MED13L: variants seen among roughly 807,000 people sequenced by gnomAD.
MED13L encodes mediator complex subunit 13L.
Under a neutral mutation model 220.9 loss-of-function variants are expected in MED13L, and 7 were observed. That is an observed-to-expected ratio of 0.03 (90% CI 0.02 to 0.06). The LOEUF is 0.06. MED13L is among the 10% of genes least tolerant of loss of function. The probability of loss-of-function intolerance (pLI) is 1.00; values close to 1 mark genes in which losing one functional copy is unlikely to be tolerated. For synonymous variants in MED13L, 1,011 were observed against 1,015.2 expected (o/e 1.00, Z 0.08); for missense variants, 1,965 against 2,760.5 (o/e 0.71, Z 6.46).
intron 23 of MED13L, 127 bp from the exon 24 acceptor site, chr12:115,975,865 T>C: frequency 1.2e-6 from 1 of 809,110 alleles, no homozygotes; most frequent in Non-Finnish European, 2.0e-6. Context: ...TCTCTCTCTC[T>C]CCAGTACTAG....
At chr12:116,203,670 A>C (rs1011112260) in intron 2 of MED13L, among the ~76,000 whole-genome samples, 1 of 152,030 alleles carries the variant, frequency 6.6e-6, no homozygotes, top group African/African-American at 2.4e-5. Context: ...ATATACAAAA[A>C]TTATCCGGGC....
intron 2 of MED13L, among the ~76,000 whole-genome samples, chr12:116,180,580 C>T (rs896243991): frequency 5.9e-5 from 9 of 152,100 alleles, no homozygotes; most frequent in African/African-American, 1.7e-4. Flanking sequence ...AAATAGGGGA[C>T]ACTTAACTTG....
At chr12:116,241,339 AAAACAC>A (rs1352296283) in intron 1 of MED13L, among the ~76,000 whole-genome samples, 6 of 150,702 alleles carry the variant, frequency 4.0e-5, no homozygotes, top group Admixed American at 2.0e-4. Flanking sequence ...AAACAAAAAA[AAAACAC>A]ACACACACAC....
intron 4 of MED13L, among the ~76,000 whole-genome samples, chr12:116,023,828 A>G (rs1470089757): frequency 2.0e-5 from 3 of 152,218 alleles, no homozygotes; most frequent in African/African-American, 7.2e-5. Flanking sequence ...TTGATACCAT[A>G]CTTCTAAGTT....
intron 2 of MED13L, among the ~76,000 whole-genome samples, chr12:116,182,949 G>A (rs1385321313): frequency 2.0e-5 from 3 of 152,120 alleles, no homozygotes; most frequent in Admixed American, 6.5e-5. Context: ...GCTACTTGAG[G>A]TGAAAGACTG....
intron 1 of MED13L, among the ~76,000 whole-genome samples, chr12:116,273,567 GA>G (rs35774076): frequency 0.13 from 19,740 of 150,868 alleles, 1,632 homozygotes; most frequent in South Asian, 0.2. Flanking sequence ...AAGACAAAAA[GA>G]AAGTAGGTCA....
At chr12:115,974,093 C>T (rs540179656) in intron 25 of MED13L, among the ~76,000 whole-genome samples, 3 of 152,088 alleles carry the variant, frequency 2.0e-5, no homozygotes, top group African/African-American at 7.2e-5. Context: ...CTATGATCCA[C>T]AGGCCAAATC....
chr12:116,174,086 C>T (rs1879877002), intron 2 of MED13L, among the ~76,000 whole-genome samples: 2 of 152,046 alleles, frequency 1.3e-5, no homozygotes, highest in South Asian at 4.2e-4. Flanking sequence ...AGAGCAAGAC[C>T]CTGTGTCTAT....
chr12:116,078,691 G>A (rs754872629), intron 4 of MED13L, among the ~76,000 whole-genome samples: 4 of 152,062 alleles, frequency 2.6e-5, no homozygotes, highest in Non-Finnish European at 4.4e-5. Flanking sequence ...GACTAGATTT[G>A]CCAGAGCCCA....
chr12:116,021,308 C>T (rs1021811970), intron 5 of MED13L, among the ~76,000 whole-genome samples: 1 of 152,168 alleles, frequency 6.6e-6, no homozygotes, highest in African/African-American at 2.4e-5. Flanking sequence ...CTCATGACTA[C>T]TTATTCCTCT....
intron 3 of MED13L, among the ~76,000 whole-genome samples, chr12:116,108,843 T>C (rs1292216555): frequency 1.3e-5 from 2 of 152,126 alleles, no homozygotes; most frequent in Non-Finnish European, 2.9e-5. Flanking sequence ...TGAAAATAAT[T>C]ACTGACATTA....
At chr12:116,067,880 TA>T (rs1870072176) in intron 4 of MED13L, among the ~76,000 whole-genome samples, 1 of 152,182 alleles carries the variant, frequency 6.6e-6, no homozygotes, top group South Asian at 2.1e-4. Flanking sequence ...CAAGACTCAA[TA>T]AAGGACAACA....
At chr12:116,242,682 A>C (rs1173464666) in intron 1 of MED13L, among the ~76,000 whole-genome samples, 1 of 152,198 alleles carries the variant, frequency 6.6e-6, no homozygotes, top group Non-Finnish European at 1.5e-5. Context: ...TCTAATACCG[A>C]GCACCATACT....
chr12:116,149,014 CTTCT>C (rs1022705929), intron 2 of MED13L, among the ~76,000 whole-genome samples: 6 of 152,070 alleles, frequency 3.9e-5, no homozygotes, highest in African/African-American at 7.2e-5. Context: ...TGTATACTTC[CTTCT>C]ATTTCCTACC....
chr12:116,124,244 C>A (rs1173096410), intron 2 of MED13L, among the ~76,000 whole-genome samples: 1 of 151,710 alleles, frequency 6.6e-6, no homozygotes, highest in Non-Finnish European at 1.5e-5. Context: ...TTAGACCAAA[C>A]TCAGTGCCAT....
intron 2 of MED13L, among the ~76,000 whole-genome samples, chr12:116,212,137 G>GT (rs1299167309): frequency 4.0e-5 from 6 of 150,008 alleles, no homozygotes; most frequent in African/African-American, 1.2e-4. Flanking sequence ...ACAAAATCAG[G>GT]TTTTTTTCCT....
rs557471720 is a variant in MED13L, at chr12:116,128,708, C to T, written c.311-17196G>A. On this transcript the variant is annotated intron_variant, in intron 2 of 30. Transcript: ENST00000281928. ...TTAATCACTATAAATTTACAATGTC[C>T]TATCAGTCGTGTTCATTATATCTGA... Among the ~76,000 whole-genome samples the T allele has an allele frequency of 2.0e-5, 3 of 152,222 alleles. No homozygotes were observed. The South Asian group carries it at 6.2e-4, about 32-fold the overall frequency.
chr12:116,161,954 CA>C (rs1157143979), intron 2 of MED13L, among the ~76,000 whole-genome samples: 1 of 151,822 alleles, frequency 6.6e-6, no homozygotes. Context: ...GTGACGGGGG[CA>C]GGGGGGCAAA....
chr12:116,112,861 C>T (rs1362961699), intron 2 of MED13L, among the ~76,000 whole-genome samples: 1 of 152,146 alleles, frequency 6.6e-6, no homozygotes, highest in Non-Finnish European at 1.5e-5. Context: ...AGAAAGAACA[C>T]CCCACATTAA....
Sources: allele counts gnomAD v4.1 joint callset (sites outside exome capture counted in the v4.1 genomes callset), GRCh38; gene constraint gnomAD v4.1.1; transcripts MANE v1.5; gene names NCBI Gene and HGNC (gene_info 2026-07-23, HGNC 2026-07-21).